Variants in CPAMD8 observed in about 807,000 individuals in gnomAD.
The protein encoded by CPAMD8 is C3 and PZP-like alpha-2-macroglobulin domain-containing protein 8.
In CPAMD8, 146 loss-of-function variants were observed where a neutral mutation model predicts 224.7. The ratio of observed to expected loss-of-function variants is 0.65; its 90% CI spans 0.57 to 0.75. CPAMD8 has a LOEUF of 0.75. CPAMD8 is among the 30% of genes least tolerant of loss of function. The pLI is 0.00. For synonymous variants in CPAMD8, 966 were observed against 1,044.6 expected, an observed-to-expected ratio of 0.92 and a Z score of 1.45; for missense variants, 2,301 against 2,537.5, an observed-to-expected ratio of 0.91 and a Z score of 2.00.
chr19:17,007,919 C>A (rs79295040), intron 7 of CPAMD8, among the ~76,000 whole-genome samples: 12,250 of 152,238 alleles, frequency 0.08, 569 homozygotes, highest in East Asian at 0.17. Flanking sequence ...TGTAATCCCA[C>A]CACTTTGGGA....
At chr19:16,997,551 T>C (rs2056172078) in intron 10 of CPAMD8, among the ~76,000 whole-genome samples, 1 of 151,986 alleles carries the variant, frequency 6.6e-6, no homozygotes, top group Non-Finnish European at 1.5e-5. Context: ...TTGGCTCCAT[T>C]GGGCAGAAGA....
Position 16,914,596 on chromosome 19 carries a change from C to T in CPAMD8, c.3786+61G>A, listed in dbSNP as rs548876286. ...CTCCAGGGAGTAGGAACAGGCAGGT[C>T]AGGGCTGGGGCTCTGGGAGGAGGTG... On this transcript the variant is annotated intron_variant, in intron 28 of 41. Coordinates refer to ENST00000443236, the MANE Select transcript of CPAMD8 (RefSeq NM_015692.5). 6 of 1,612,752 alleles carry T rather than the reference C, an allele frequency of 3.7e-6. No homozygotes were observed. In the African/African-American group the frequency reaches 8.0e-5, roughly 21 times the overall value.
chr19:17,017,073 C>G (rs2056832361), intron 3 of CPAMD8, among the ~76,000 whole-genome samples: 1 of 152,094 alleles, frequency 6.6e-6, no homozygotes. Context: ...CTCCCCATCA[C>G]TCACATTACT....
chr19:16,943,434 G>A (rs1347454592), intron 22 of CPAMD8, among the ~76,000 whole-genome samples: 1 of 151,902 alleles, frequency 6.6e-6, no homozygotes, highest in Non-Finnish European at 1.5e-5. Flanking sequence ...GACAGGGTCT[G>A]GCTCTGTTTT....
intron 12 of CPAMD8, among the ~76,000 whole-genome samples, chr19:16,992,852 G>C (rs980723163): frequency 6.6e-6 from 1 of 151,762 alleles, no homozygotes; most frequent in Non-Finnish European, 1.5e-5. Context: ...GATCCCTTTA[G>C]CCCAGCAGTT....
chr19:16,974,638 T>C (rs564244802), intron 17 of CPAMD8, among the ~76,000 whole-genome samples: 85 of 152,122 alleles, frequency 5.6e-4, no homozygotes, highest in Admixed American at 4.5e-3. Context: ...TGGAAGAATC[T>C]ACTTGTGAGC....
At chr19:16,944,211 G>A (rs562636524) in intron 22 of CPAMD8, among the ~76,000 whole-genome samples, 203 of 152,336 alleles carry the variant, frequency 1.3e-3, no homozygotes, top group South Asian at 3.1e-3. Flanking sequence ...GGTAGGAGGA[G>A]CATTTTGCTG....
intron 1 of CPAMD8, among the ~76,000 whole-genome samples, chr19:17,025,535 A>G (rs1243595787): frequency 6.6e-6 from 1 of 152,198 alleles, no homozygotes; most frequent in Non-Finnish European, 1.5e-5. Flanking sequence ...TTGCAGTGGA[A>G]GCTGACCTGC....
At chr19:16,963,692 C>G (rs145274407) in intron 18 of CPAMD8, among the ~76,000 whole-genome samples, 1 of 152,128 alleles carries the variant, frequency 6.6e-6, no homozygotes, top group South Asian at 2.1e-4. Flanking sequence ...ACCAAGCAGA[C>G]CTAATAGACA....
At chr19:16,950,159 G>A (rs533146895) in intron 20 of CPAMD8, among the ~76,000 whole-genome samples, 275 of 152,056 alleles carry the variant, frequency 1.8e-3, no homozygotes, top group Middle Eastern at 0.01. Flanking sequence ...TTAGCTAGGC[G>A]TGGTGGCGGG....
At chr19:16,933,451 G>A (rs916303631) in intron 23 of CPAMD8, among the ~76,000 whole-genome samples, 1 of 152,000 alleles carries the variant, frequency 6.6e-6, no homozygotes, top group Non-Finnish European at 1.5e-5. Flanking sequence ...TAAAGAACTT[G>A]TATCCAGAAT....
intron 17 of CPAMD8, among the ~76,000 whole-genome samples, chr19:16,974,642 T>A (rs1368504149): frequency 6.6e-6 from 1 of 151,958 alleles, no homozygotes. Context: ...AGAATCTACT[T>A]GTGAGCTTTC....
intron 41 of CPAMD8, chr19:16,894,643 G>A: frequency 2.7e-6 from 1 of 365,136 alleles, no homozygotes; most frequent in South Asian, 1.9e-5. Flanking sequence ...GTGGACCACA[G>A]TGATGGGCTC....
chr19:16,987,593 T>C (rs1406075274), intron 13 of CPAMD8, among the ~76,000 whole-genome samples: 1 of 152,140 alleles, frequency 6.6e-6, no homozygotes, highest in African/African-American at 2.4e-5. Context: ...ATATCATGCA[T>C]AGAAAGTACA....
intron 19 of CPAMD8, among the ~76,000 whole-genome samples, chr19:16,955,973 C>G (rs150364635): frequency 6.6e-6 from 1 of 152,090 alleles, no homozygotes; most frequent in Non-Finnish European, 1.5e-5. Context: ...CACCACACCC[C>G]GCCTTTAAAC....
chr19:16,989,044 A>C (rs1379798071), intron 13 of CPAMD8, among the ~76,000 whole-genome samples: 1 of 152,132 alleles, frequency 6.6e-6, no homozygotes, highest in Non-Finnish European at 1.5e-5. Context: ...CCCAGACGGG[A>C]CTGTCTAGTT....
chr19:16,976,170 A>G lies in CPAMD8; in HGVS notation c.1759-19T>C. The G allele has an allele frequency of 6.2e-7, 1 of 1,602,524 alleles. No homozygotes were observed. Among genetic ancestry groups the G allele is most frequent in the Non-Finnish European group, 8.5e-7 (1 of 1,173,076 alleles). ...CTGAAACCTTGGCGCAAATGCAGCA[A>G]GGGATAAGAAACTTGGTTCAGTTGG... On this transcript the variant is annotated intron_variant, in intron 15 of 41. Transcript: ENST00000443236.
At chr19:16,987,179 A>AAAAAAAAAAAGAT (rs1555784836) in intron 13 of CPAMD8, among the ~76,000 whole-genome samples, 1 of 53,908 alleles carries the variant, frequency 1.9e-5, no homozygotes, top group Non-Finnish European at 2.9e-5. Context: ...AAAAAAAAAA[A>AAAAAAAAAAAGAT]ATATATATAT....
chr19:16,955,660 T>A (rs1050616494), intron 19 of CPAMD8, among the ~76,000 whole-genome samples: 4 of 152,194 alleles, frequency 2.6e-5, no homozygotes, highest in Non-Finnish European at 5.9e-5. Flanking sequence ...CATAATTTTT[T>A]AAACCAATTC....
Sources: gnomAD v4.1 joint callset for allele counts (sites outside exome capture counted in the v4.1 genomes callset) on GRCh38, gnomAD v4.1.1 for gene constraint, MANE v1.5 for transcripts, NCBI Gene and HGNC (gene_info 2026-07-23, HGNC 2026-07-21) for gene names.